ELAVL4: variants seen among roughly 807,000 people sequenced by gnomAD.
ELAVL4 encodes the protein ELAV like RNA binding protein 4, also known as ELAV-like protein 4.
A neutral mutation model predicts 35.6 loss-of-function variants in ELAVL4; 1 was observed. That is an observed-to-expected ratio of 0.03 (90% CI 0.01 to 0.13). ELAVL4 has a LOEUF of 0.13. Ranked by LOEUF, ELAVL4 falls within the 10% of genes least tolerant of loss-of-function variation. The probability of loss-of-function intolerance (pLI) is 1.00; values close to 1 mark genes in which losing one functional copy is unlikely to be tolerated. For missense variants in ELAVL4, 267 were observed against 464.9 expected (o/e 0.57, Z 3.91); for synonymous variants, 156 against 171.0 (o/e 0.91, Z 0.69).
chr1:50,050,440 C>G (rs952088870), intron 1 of ELAVL4, among the ~76,000 whole-genome samples: 10 of 152,112 alleles, frequency 6.6e-5, no homozygotes, highest in African/African-American at 9.7e-5. Flanking sequence ...TCAGAGTGAA[C>G]CTTTATGATC....
At chr1:50,187,241 A>G (rs1036394465) in intron 3 of ELAVL4, among the ~76,000 whole-genome samples, 5 of 152,172 alleles carry the variant, frequency 3.3e-5, no homozygotes, top group Admixed American at 2.0e-4. Context: ...TGCTAGACTA[A>G]TAGTCCTACA....
At chr1:50,087,433 ACAGACTATG>A (rs1427880802) in intron 1 of ELAVL4, among the ~76,000 whole-genome samples, 2 of 152,214 alleles carry the variant, frequency 1.3e-5, no homozygotes, top group Non-Finnish European at 2.9e-5. Flanking sequence ...GCTATGTACA[ACAGACTATG>A]TCTTCTAGAT....
At chr1:50,057,713 A>G (rs549387842) in intron 1 of ELAVL4, among the ~76,000 whole-genome samples, 1 of 152,338 alleles carries the variant, frequency 6.6e-6, no homozygotes, top group African/African-American at 2.4e-5. Flanking sequence ...GCGGTAGTCT[A>G]TACCACCTAG....
intron 1 of ELAVL4, among the ~76,000 whole-genome samples, chr1:50,139,131 G>C (rs1672392238): frequency 6.6e-6 from 1 of 152,152 alleles, no homozygotes; most frequent in African/African-American, 2.4e-5. Context: ...GTAAAATGGG[G>C]ATGATATTAG....
intron 1 of ELAVL4, among the ~76,000 whole-genome samples, chr1:50,140,721 T>C (rs1672680724): frequency 1.3e-5 from 2 of 152,208 alleles, no homozygotes; most frequent in Non-Finnish European, 2.9e-5. Context: ...CACACTTTTA[T>C]TGAGAAAACT....
chr1:50,111,373 C>A (rs1377420337), intron 1 of ELAVL4, among the ~76,000 whole-genome samples: 1 of 151,838 alleles, frequency 6.6e-6, no homozygotes, highest in Non-Finnish European at 1.5e-5. Flanking sequence ...ATAGTGAACT[C>A]CCACAGCTGA....
intron 1 of ELAVL4, among the ~76,000 whole-genome samples, chr1:50,067,734 A>C (rs1460569367): frequency 6.6e-6 from 1 of 152,208 alleles, no homozygotes; most frequent in Admixed American, 6.5e-5. Context: ...GGAGTGCCTG[A>C]GACTGGGTAA....
intron 1 of ELAVL4, among the ~76,000 whole-genome samples, chr1:50,094,601 G>A (rs1665635511): frequency 6.6e-6 from 1 of 152,018 alleles, no homozygotes; most frequent in African/African-American, 2.4e-5. Flanking sequence ...TGTACTTCAT[G>A]TTTCTATAAG....
chr1:50,150,274 A>G (rs1034716046), intron 2 of ELAVL4, among the ~76,000 whole-genome samples: 2 of 152,192 alleles, frequency 1.3e-5, no homozygotes, highest in African/African-American at 2.4e-5. Flanking sequence ...CCGTGTCTTC[A>G]TTTCTTCCTT....
chr1:50,108,709 G>A (rs1392862485), upstream of ELAVL4, among the ~76,000 whole-genome samples: 1 of 152,122 alleles, frequency 6.6e-6, no homozygotes, highest in Non-Finnish European at 1.5e-5. Context: ...TGTTGCTTCA[G>A]CCGGGCCTTA....
chr1:50,137,747 A>T (rs1572352514), intron 1 of ELAVL4, among the ~76,000 whole-genome samples: 1 of 152,176 alleles, frequency 6.6e-6, no homozygotes, highest in Admixed American at 6.5e-5. Flanking sequence ...GCAAGAAATC[A>T]TATGAAAAGA....
At chr1:50,127,511 A>G (rs973847532) in intron 1 of ELAVL4, among the ~76,000 whole-genome samples, 1 of 152,160 alleles carries the variant, frequency 6.6e-6, no homozygotes, top group African/African-American at 2.4e-5. Flanking sequence ...ACATACTGCC[A>G]AAGGCATTCA....
intron 1 of ELAVL4, among the ~76,000 whole-genome samples, chr1:50,079,263 T>C (rs1316523727): frequency 6.6e-6 from 1 of 152,070 alleles, no homozygotes; most frequent in East Asian, 1.9e-4. Flanking sequence ...CTGTCACAAG[T>C]TGTATTCCCC....
intron 2 of ELAVL4, among the ~76,000 whole-genome samples, chr1:50,156,381 A>G (rs962205619): frequency 2.6e-5 from 4 of 152,238 alleles, no homozygotes; most frequent in Non-Finnish European, 4.4e-5. Flanking sequence ...AAAGCAGTCT[A>G]TAAATGGGTT....
intron 4 of ELAVL4, among the ~76,000 whole-genome samples, chr1:50,194,153 G>T (rs1478948434): frequency 6.6e-6 from 1 of 152,200 alleles, no homozygotes; most frequent in Non-Finnish European, 1.5e-5. Context: ...TAAACTACTT[G>T]CCAGGGTTGT....
At chr1:50,055,578 C>T (rs1663617885) in intron 1 of ELAVL4, among the ~76,000 whole-genome samples, 2 of 150,920 alleles carry the variant, frequency 1.3e-5, no homozygotes, top group Admixed American at 6.6e-5. Flanking sequence ...GGATTACAGG[C>T]GTGAGCCACC....
chr1:50,088,853 A>G (rs1557695613), intron 1 of ELAVL4, among the ~76,000 whole-genome samples: 2 of 152,188 alleles, frequency 1.3e-5, no homozygotes, highest in Non-Finnish European at 2.9e-5. Flanking sequence ...TCCAAATACT[A>G]GACAGCAGAA....
chr1:50,136,448 A>C (rs1671899177), intron 1 of ELAVL4, among the ~76,000 whole-genome samples: 1 of 152,136 alleles, frequency 6.6e-6, no homozygotes, highest in South Asian at 2.1e-4. Context: ...TATTTCTTTA[A>C]TGGTTCAATT....
intron 1 of ELAVL4, among the ~76,000 whole-genome samples, chr1:50,118,802 GAATTCTA>G (rs1668392928): frequency 6.6e-6 from 1 of 151,836 alleles, no homozygotes; most frequent in Non-Finnish European, 1.5e-5. Context: ...CACCGATTTT[GAATTCTA>G]CTTCATATGC....
Sources: gnomAD v4.1 joint callset for allele counts (sites outside exome capture counted in the v4.1 genomes callset) on GRCh38, gnomAD v4.1.1 for gene constraint, MANE v1.5 for transcripts, NCBI Gene and HGNC (gene_info 2026-07-23, HGNC 2026-07-21) for gene names.